Variants in CFAP300 observed in about 807,000 individuals in gnomAD.
CFAP300 encodes the protein cilia and flagella associated protein 300.
A neutral mutation model predicts 33.0 loss-of-function variants in CFAP300; 32 were observed. The observed-to-expected ratio is 0.97, with a 90% confidence interval of 0.73 to 1.30. CFAP300 has a LOEUF of 1.30. Ranked by LOEUF, CFAP300 falls within the 50% of genes most tolerant of loss-of-function variation. CFAP300 has a pLI of 0.00. For missense variants in CFAP300, 356 were observed against 318.1 expected, an observed-to-expected ratio of 1.12 and a Z score of -0.90; for synonymous variants, 102 against 106.8, an observed-to-expected ratio of 0.95 and a Z score of 0.28.
At chr11:102,061,333 G>T (rs1268760975) in intron 3 of CFAP300, among the ~76,000 whole-genome samples, 1 of 151,318 alleles carries the variant, frequency 6.6e-6, no homozygotes, top group East Asian at 1.9e-4. Context: ...TTTTCCTCTG[G>T]GGCCCTTTTA....
At chr11:102,059,281 ATGTGTGTGTGTGTG>A (rs55657614) in intron 3 of CFAP300, among the ~76,000 whole-genome samples, 31 of 148,674 alleles carry the variant, frequency 2.1e-4, no homozygotes, top group Middle Eastern at 6.9e-3. Flanking sequence ...ATATGTTAAA[ATGTGTGTGTGTGTG>A]TGTGTGTGTG....
chr11:102,056,256 C>T (rs563506608), intron 2 of CFAP300, among the ~76,000 whole-genome samples: 1 of 152,286 alleles, frequency 6.6e-6, no homozygotes. Context: ...TTTGACACTA[C>T]AAACCATACT....
intron 2 of CFAP300, among the ~76,000 whole-genome samples, chr11:102,049,777 G>A (rs1449647958): frequency 6.6e-6 from 1 of 151,818 alleles, no homozygotes; most frequent in Non-Finnish European, 1.5e-5. Context: ...TGTCCCTCTA[G>A]AGGGTATAAA....
chr11:102,051,801 A>G (rs1351780898), intron 2 of CFAP300, among the ~76,000 whole-genome samples: 1 of 152,134 alleles, frequency 6.6e-6, no homozygotes, highest in Non-Finnish European at 1.5e-5. Context: ...CTCCTGCCTC[A>G]GCCTCCCAAA....
At chr11:102,053,102 G>T (rs1477754441) in intron 2 of CFAP300, among the ~76,000 whole-genome samples, 1 of 152,008 alleles carries the variant, frequency 6.6e-6, no homozygotes, top group Non-Finnish European at 1.5e-5. Context: ...GGTGGCAGGT[G>T]CCTGTAATCA....
rs971746058 is a variant in CFAP300, at chr11:102,059,476, C to T, written c.268+521C>T. On this transcript the variant is annotated intron_variant, in intron 3 of 6. Coordinates refer to ENST00000434758, the MANE Select transcript of CFAP300 (RefSeq NM_032930.3). ...CCAGCCTGGCCAGCATGGTGAAACC[C>T]CATCTCTACTAAAAATACAAAAATT... Among the ~76,000 whole-genome samples the T allele has an allele frequency of 3.3e-5, 5 of 151,894 alleles. No individual in the cohort carries two copies. In the South Asian group the frequency reaches 6.2e-4, roughly 19 times the overall value.
chr11:102,054,132 G>GT (rs1942013357), intron 2 of CFAP300, among the ~76,000 whole-genome samples: 1 of 152,186 alleles, frequency 6.6e-6, no homozygotes, highest in African/African-American at 2.4e-5. Flanking sequence ...AGAGTGGCCA[G>GT]TTGTTAAACA....
intron 4 of CFAP300, among the ~76,000 whole-genome samples, chr11:102,071,368 T>G (rs1942310653): frequency 6.6e-6 from 1 of 152,146 alleles, no homozygotes; most frequent in South Asian, 2.1e-4. Context: ...GGATCATGTG[T>G]TGTTGTTGTT....
At chr11:102,078,884 AT>A (rs1942436489) in intron 5 of CFAP300, among the ~76,000 whole-genome samples, 1 of 151,876 alleles carries the variant, frequency 6.6e-6, no homozygotes, top group Non-Finnish European at 1.5e-5. Context: ...TAATTTTTGT[AT>A]TTTTTGTAGA....
At chr11:102,050,590 A>C (rs1941953469) in intron 2 of CFAP300, among the ~76,000 whole-genome samples, 1 of 152,258 alleles carries the variant, frequency 6.6e-6, no homozygotes, top group Admixed American at 6.5e-5. Flanking sequence ...GGGAAATACC[A>C]AAAATTGCAT....
intron 3 of CFAP300, among the ~76,000 whole-genome samples, chr11:102,062,144 GA>G (rs1942157471): frequency 6.6e-6 from 1 of 152,152 alleles, no homozygotes; most frequent in Non-Finnish European, 1.5e-5. Context: ...TAAGTACACA[GA>G]AAGAAGACAA....
At position 102,055,013 on chromosome 11, in the gene CFAP300, C is replaced by G. The variant is rs577777046; in HGVS notation, c.193-3867C>G. Among the ~76,000 whole-genome samples, 21 of 149,460 alleles carry G rather than the reference C, an allele frequency of 1.4e-4. No homozygotes were observed. The East Asian group carries it at 4.2e-3, about 30-fold the overall frequency. On this transcript the variant is annotated intron_variant, in intron 2 of 6. Transcript: ENST00000434758. ...TTTTTTTTTTGAAGACAGAGTCTCT[C>G]TCTGTCGCCCAGGCTGGGGTGCAGT...
In CFAP300 at chr11:102,050,563, A is replaced by G. The variant is rs183348775; in HGVS notation, c.192+2667A>G. ...AGTTCCTAGGTCTATATAGATGAAT[A>G]GACACAATTAAAGGGAGGGAAATAC... On this transcript the variant is annotated intron_variant, in intron 2 of 6. Transcript: ENST00000434758. 1.6e-3 allele frequency among the ~76,000 whole-genome samples: 249 copies of G among 152,368 alleles called. 1 individual carries two copies. Among genetic ancestry groups the G allele is most frequent in the African/African-American group, 5.8e-3 (241 of 41,592 alleles).
chr11:102,048,045 A>G (rs1941911443), intron 2 of CFAP300, 149 bp downstream of exon 2: 1 of 706,536 alleles, frequency 1.4e-6, no homozygotes. Context: ...TGATTTTTTT[A>G]AAGGAACTTT....
In CFAP300 at chr11:102,082,439, G is replaced by T. The variant is rs568256688; in HGVS notation, c.676-632G>T. On this transcript the variant is annotated intron_variant, in intron 6 of 6. Transcript: ENST00000434758. ...ATAGAAAATTGCTAAATATAAAATT[G>T]TTGCAATATTAGCACTTTAAAAGCA... is the stretch of plus-strand genomic sequence containing the variant. Among the ~76,000 whole-genome samples, 484 of 151,534 alleles carry T rather than the reference G, an allele frequency of 3.2e-3. 2 individuals carry two copies. Among genetic ancestry groups the T allele is most frequent in the Non-Finnish European group, 5.5e-3 (376 of 67,900 alleles).
intron 2 of CFAP300, among the ~76,000 whole-genome samples, chr11:102,051,280 A>T (rs1941965460): frequency 6.6e-6 from 1 of 152,208 alleles, no homozygotes; most frequent in Admixed American, 6.5e-5. Context: ...CTCTGGGCCC[A>T]GTATATAGTG....
At chr11:102,051,088 A>G (rs765957407) in intron 2 of CFAP300, among the ~76,000 whole-genome samples, 8 of 152,176 alleles carry the variant, frequency 5.3e-5, no homozygotes, top group Non-Finnish European at 1.2e-4. Context: ...GACATGTAGG[A>G]TGACTCCCAA....
At chr11:102,056,437 T>G (rs1565389464) in intron 2 of CFAP300, among the ~76,000 whole-genome samples, 1 of 152,238 alleles carries the variant, frequency 6.6e-6, no homozygotes, top group Non-Finnish European at 1.5e-5. Flanking sequence ...CTTGTGAAAG[T>G]GCATGTCTTC....
At chr11:102,071,459 G>A (rs188507401) in intron 4 of CFAP300, among the ~76,000 whole-genome samples, 1 of 152,220 alleles carries the variant, frequency 6.6e-6, no homozygotes, top group Admixed American at 6.5e-5. Context: ...TGATATGTGA[G>A]GACATACTTC....
Sources: allele counts gnomAD v4.1 joint callset (sites outside exome capture counted in the v4.1 genomes callset), GRCh38; gene constraint gnomAD v4.1.1; transcripts MANE v1.5; gene names NCBI Gene and HGNC (gene_info 2026-07-23, HGNC 2026-07-21).